The following PRKAA2 variants were observed in gnomAD, a reference collection of about 807,000 sequenced individuals.
PRKAA2 encodes protein kinase AMP-activated catalytic subunit alpha 2.
In PRKAA2, 40 loss-of-function variants were observed where a neutral mutation model predicts 56.3. The observed-to-expected ratio is 0.71, with a 90% CI of 0.55 to 0.92. The LOEUF (loss-of-function observed/expected upper bound fraction) is 0.92. Ranked by LOEUF, PRKAA2 falls within the 40% of genes least tolerant of loss-of-function variation. The pLI is 0.00. For synonymous variants in PRKAA2, 214 were observed against 234.2 expected (o/e 0.91, Z 0.79); for missense variants, 542 against 686.9 (o/e 0.79, Z 2.36).
intron 1 of PRKAA2, among the ~76,000 whole-genome samples, chr1:56,655,995 T>G (rs866225808): frequency 1.1e-4 from 16 of 152,190 alleles, no homozygotes; most frequent in Admixed American, 2.0e-4. Flanking sequence ...ATAGTAAAGA[T>G]ATCAAACACA....
In PRKAA2 at chr1:56,704,428, A is replaced by G. The variant is rs1402575395; in HGVS notation, c.1246A>G (p.Met416Val). 3.7e-6 allele frequency: 6 copies of G among 1,611,910 alleles called. No individual in the cohort carries two copies. Among genetic ancestry groups the G allele is most frequent in the Non-Finnish European group, 4.2e-6 (5 of 1,179,456 alleles). The change falls in exon 7 of 9, where the codon ATG becomes GTG. Residue 416 changes from methionine to valine, a missense_variant. Around this residue, in one of 5 missense-constraint regions of PRKAA2, gnomAD observed 158 missense variants for 166.1 expected, o/e 0.95. Coordinates refer to ENST00000371244, the MANE Select transcript of PRKAA2 (RefSeq NM_006252.4). ...AAGTCAGAGCAAACCGTATGACATT[A>G]TGGCTGAAGTTTACCGAGCTATGAA... is the stretch of plus-strand genomic sequence containing the variant. ...IRSQSKPYDIMAEVYRAMKQL... is the reference protein window; with the variant it reads ...IRSQSKPYDIVAEVYRAMKQL...
At chr1:56,689,679 C>A (rs72668319) in intron 2 of PRKAA2, among the ~76,000 whole-genome samples, 1 of 151,938 alleles carries the variant, frequency 6.6e-6, no homozygotes, top group South Asian at 2.1e-4. Flanking sequence ...AGAGCATGGC[C>A]GCTGCACTCC....
Position 56,681,871 on chromosome 1 carries a change from C to A in PRKAA2, c.236+7349C>A, listed in dbSNP as rs902845303. Among the ~76,000 whole-genome samples the A allele has an allele frequency of 3.9e-5, 6 of 152,078 alleles. No homozygotes were observed. The South Asian group carries it at 6.2e-4, about 16-fold the overall frequency. On this transcript the variant is annotated intron_variant, in intron 2 of 8. Transcript: ENST00000371244. ...TTTGGTTCCATATGAACTTTAAAGT[C>A]GTTTTTTCCAATTCTGTGAAGAAAG... is the stretch of plus-strand genomic sequence containing the variant.
At chr1:56,705,894 C>T (rs1489800587) in intron 7 of PRKAA2, among the ~76,000 whole-genome samples, 198 bp from the exon 8 acceptor site, 1 of 152,146 alleles carries the variant, frequency 6.6e-6, no homozygotes, top group African/African-American at 2.4e-5. Context: ...ATTCAAGTAG[C>T]TTTTCCTTTA....
At chr1:56,678,888 G>C (rs759221526) in intron 2 of PRKAA2, among the ~76,000 whole-genome samples, 1 of 152,046 alleles carries the variant, frequency 6.6e-6, no homozygotes, top group Non-Finnish European at 1.5e-5. Context: ...TAGAGACGGG[G>C]TTTCACCATG....
At chr1:56,705,677 G>T (rs1278464616) in intron 7 of PRKAA2, among the ~76,000 whole-genome samples, 1 of 152,172 alleles carries the variant, frequency 6.6e-6, no homozygotes, top group Non-Finnish European at 1.5e-5. Context: ...TGGAATTACA[G>T]GCGTGAGCCA....
Position 56,645,411 on chromosome 1 carries a change from C to A in PRKAA2, c.24C>A (p.Asp8Glu). 6.6e-7 allele frequency: 1 copy of A among 1,510,308 alleles called. No individual in the cohort carries two copies. Among genetic ancestry groups the A allele is most frequent in the Non-Finnish European group, 8.9e-7 (1 of 1,123,824 alleles). 93.6% of individuals were successfully genotyped at this position (1,510,308 alleles called of 1,614,324 possible). A position where few individuals can be genotyped will look rare whatever the true frequency, so the allele number is the denominator to read the frequency against. The change falls in exon 1 of 9, where the codon GAC (aspartate) becomes GAA (glutamate). Residue 8 changes from aspartate to glutamate, a missense_variant. By Grantham distance (45) the Asp-to-Glu change is conservative. This residue lies in a region of PRKAA2 where 59 missense variants were observed against 53.9 expected (regional missense o/e 1.09). Coordinates refer to ENST00000371244, the MANE Select transcript of PRKAA2 (RefSeq NM_006252.4). ...AGATGGCTGAGAAGCAGAAGCACGA[C>A]GGGCGGGTGAAGATCGGACACTACG... MAEKQKHDGRVKIGHYVL... is the reference protein window; with the variant it reads MAEKQKHEGRVKIGHYVL...
intron 2 of PRKAA2, among the ~76,000 whole-genome samples, chr1:56,682,342 G>C (rs1316990874): frequency 2.0e-5 from 3 of 152,126 alleles, no homozygotes; most frequent in East Asian, 1.9e-4. Flanking sequence ...ATTTAGATTA[G>C]GTATGAGGAA....
At chr1:56,665,047 C>T (rs1195597941) in intron 1 of PRKAA2, among the ~76,000 whole-genome samples, 1 of 151,570 alleles carries the variant, frequency 6.6e-6, no homozygotes, top group African/African-American at 2.4e-5. Flanking sequence ...GTCTTTCCTG[C>T]CTTGGATATC....
chr1:56,688,453 G>A (rs1055471675), intron 2 of PRKAA2, among the ~76,000 whole-genome samples: 2 of 152,132 alleles, frequency 1.3e-5, no homozygotes, highest in African/African-American at 4.8e-5. Flanking sequence ...ACTGAGATGC[G>A]TGGTCTGAAG....
At chr1:56,673,740 C>T (rs547450989) in intron 1 of PRKAA2, among the ~76,000 whole-genome samples, 3 of 152,248 alleles carry the variant, frequency 2.0e-5, no homozygotes, top group Non-Finnish European at 4.4e-5. Flanking sequence ...TCATCTTGTC[C>T]AAGGAGAGTA....
chr1:56,705,714 T>C (rs1186369909), intron 7 of PRKAA2, among the ~76,000 whole-genome samples: 1 of 152,196 alleles, frequency 6.6e-6, no homozygotes, highest in Non-Finnish European at 1.5e-5. Context: ...TTGTTCCTTC[T>C]ACTCCATAAT....
At chr1:56,681,554 C>T (rs1644155303) in intron 2 of PRKAA2, among the ~76,000 whole-genome samples, 1 of 152,138 alleles carries the variant, frequency 6.6e-6, no homozygotes, top group Non-Finnish European at 1.5e-5. Context: ...GGAAGGGGTC[C>T]AGTTTCAGCT....
chr1:56,709,572 T>G lies in PRKAA2; in HGVS notation c.*1859T>G, dbSNP rs1157885893. The G allele has an allele frequency of 6.6e-6, 1 of 152,146 alleles. No homozygotes were observed. Among genetic ancestry groups the G allele is most frequent in the East Asian group, 1.9e-4 (1 of 5,200 alleles). The allele number at this position is 152,146 out of a possible 1,614,324, so 9.4% of individuals were successfully genotyped here. On this transcript the variant is annotated 3_prime_UTR_variant, in exon 9 of 9. Coordinates refer to ENST00000371244, the MANE Select transcript of PRKAA2 (RefSeq NM_006252.4). ...GGTCCATTATAGATATGGCATAGTT[T>G]TGGGTTCTCTAAATGGGTCCATACC...
At chr1:56,661,165 C>T (rs147435539) in intron 1 of PRKAA2, among the ~76,000 whole-genome samples, 2 of 152,274 alleles carry the variant, frequency 1.3e-5, no homozygotes, top group Middle Eastern at 3.4e-3. Flanking sequence ...TGGCTCGTCA[C>T]AGCTTAGGTA....
intron 2 of PRKAA2, 35 bp downstream of exon 2, chr1:56,674,557 C>A: frequency 7.3e-7 from 1 of 1,361,042 alleles, no homozygotes; most frequent in Non-Finnish European, 9.8e-7. Flanking sequence ...ACCAAAGAGA[C>A]ACCTATCTTA....
Position 56,714,054 on chromosome 1 carries a change from G to A in PRKAA2, c.*6341G>A. The A allele has an allele frequency of 6.6e-6, 1 of 152,066 alleles. No individual in the cohort carries two copies. Among genetic ancestry groups the A allele is most frequent in the Non-Finnish European group, 1.5e-5 (1 of 67,978 alleles). 9.4% of individuals were successfully genotyped at this position (152,066 alleles called of 1,614,324 possible). ...AAACCTCTCCCTATCACTATCAGAA[G>A]TTGTTCACTAAATGTATTTTCCTAT... On this transcript the variant is annotated 3_prime_UTR_variant, in exon 9 of 9. Coordinates refer to ENST00000371244, the MANE Select transcript of PRKAA2 (RefSeq NM_006252.4).
chr1:56,687,879 G>A lies in PRKAA2; in HGVS notation c.237-3515G>A, dbSNP rs530381237. Among the ~76,000 whole-genome samples, 15 of 152,122 alleles carry A rather than the reference G, an allele frequency of 9.9e-5. 1 individual carries two copies. The highest frequency in any genetic ancestry group is 6.2e-4 in the South Asian group (3 of 4,814). Reference sequence around the variant, plus strand: ...TTATGTGGCTATTTCCTAAAAATGCGTATAACTTGGTCAACTGGAAAATGC... The same window carrying A: ...TTATGTGGCTATTTCCTAAAAATGCATATAACTTGGTCAACTGGAAAATGC... On this transcript the variant is annotated intron_variant, in intron 2 of 8. Transcript: ENST00000371244.
chr1:56,695,199 TATA>T (rs1644251353), intron 5 of PRKAA2, among the ~76,000 whole-genome samples: 2 of 147,504 alleles, frequency 1.4e-5, no homozygotes, highest in African/African-American at 5.0e-5. Flanking sequence ...TATATATATA[TATA>T]TTTTTTGTTT....
Sources: gnomAD v4.1 joint callset for allele counts (sites outside exome capture counted in the v4.1 genomes callset) on GRCh38, gnomAD v4.1.1 for gene constraint, gnomAD v4.1.1 regional missense constraint, MANE v1.5 for transcripts, NCBI Gene and HGNC (gene_info 2026-07-23, HGNC 2026-07-21) for gene names.